Variants in ATP2B4 observed in about 807,000 individuals in gnomAD.
ATP2B4 encodes ATPase plasma membrane Ca2+ transporting 4, also known as plasma membrane calcium-transporting ATPase 4.
Under a neutral mutation model 110.3 loss-of-function variants are expected in ATP2B4, and 39 were observed. The ratio of observed to expected loss-of-function variants is 0.35; its 90% CI spans 0.27 to 0.46. The LOEUF (loss-of-function observed/expected upper bound fraction) is 0.46. Ranked by LOEUF, ATP2B4 falls within the 20% of genes least tolerant of loss-of-function variation. ATP2B4 has a pLI of 1.00. For missense variants in ATP2B4, 1,135 were observed against 1,530.9 expected, an observed-to-expected ratio of 0.74 and a Z score of 4.32; for synonymous variants, 538 against 571.7, an observed-to-expected ratio of 0.94 and a Z score of 0.84.
intron 1 of ATP2B4, among the ~76,000 whole-genome samples, chr1:203,651,802 A>G (rs922850544): frequency 9.9e-5 from 15 of 151,902 alleles, no homozygotes; most frequent in Non-Finnish European, 1.9e-4. Context: ...TCATGCCTGT[A>G]ATCCCAGCAC....
chr1:203,660,229 T>G (rs533121405), intron 1 of ATP2B4, among the ~76,000 whole-genome samples: 1 of 152,286 alleles, frequency 6.6e-6, no homozygotes, highest in East Asian at 1.9e-4. Flanking sequence ...TGCCAAAACA[T>G]CATGTAACAG....
chr1:203,642,323 A>G (rs1663658405), intron 1 of ATP2B4, among the ~76,000 whole-genome samples: 1 of 152,148 alleles, frequency 6.6e-6, no homozygotes, highest in African/African-American at 2.4e-5. Context: ...GGCTCAAGCA[A>G]TCCACCTGCC....
At chr1:203,661,237 G>T (rs1311884934) in intron 1 of ATP2B4, among the ~76,000 whole-genome samples, 6 of 152,160 alleles carry the variant, frequency 3.9e-5, no homozygotes, top group Non-Finnish European at 8.8e-5. Flanking sequence ...GAGAAAGAGA[G>T]CTCTCATGTC....
intron 1 of ATP2B4, among the ~76,000 whole-genome samples, chr1:203,643,900 C>A (rs965006958): frequency 6.6e-6 from 1 of 152,140 alleles, no homozygotes; most frequent in African/African-American, 2.4e-5. Context: ...TTTAGTCATT[C>A]CTATATACTC....
chr1:203,656,997 AT>A, intron 1 of ATP2B4: 1 of 734,676 alleles, frequency 1.4e-6, no homozygotes, highest in South Asian at 1.4e-5. Flanking sequence ...TTATGCAGCC[AT>A]CATTTTCAGG....
chr1:203,660,037 G>C (rs1300403187), intron 1 of ATP2B4, among the ~76,000 whole-genome samples: 2 of 150,152 alleles, frequency 1.3e-5, no homozygotes, highest in East Asian at 2.0e-4. Flanking sequence ...AGCCAAGATT[G>C]TGCCACTGCA....
At chr1:203,715,289 A>AT (rs1666129654) in intron 15 of ATP2B4, among the ~76,000 whole-genome samples, 3 of 139,460 alleles carry the variant, frequency 2.2e-5, no homozygotes, top group Non-Finnish European at 4.7e-5. Flanking sequence ...AACAAAAGAG[A>AT]TTCCCCCTCA....
At chr1:203,655,360 A>G (rs1162400801) in intron 1 of ATP2B4, among the ~76,000 whole-genome samples, 2 of 152,226 alleles carry the variant, frequency 1.3e-5, no homozygotes, top group Non-Finnish European at 2.9e-5. Context: ...TGTAAAAAAA[A>G]AGAGGCCAGG....
Position 203,710,907 on chromosome 1 carries a change from A to C in ATP2B4, c.1830A>C (p.Glu610Asp), listed in dbSNP as rs377158814. The stretch of plus-strand genomic sequence containing the variant: ...ATCGAATCCTGGACCGGAAAGGGGA[A>C]GCAGTGCCATTCAAGAATAAAGACA... ...KCNRILDRKG[E>D]AVPFKNKDRD... Residue 610 changes from glutamate (E) to aspartate (D), a missense_variant, in exon 12 of 21, where the codon GAA (glutamate) becomes GAC (aspartate). Glu to Asp is a conservative substitution (Grantham distance 45). This residue lies in a region of ATP2B4 where 368 missense variants were observed against 455.9 expected (regional missense o/e 0.81). Coordinates refer to ENST00000357681, the MANE Select transcript of ATP2B4 (RefSeq NM_001684.5). 15 of 1,613,906 alleles carry C rather than the reference A, an allele frequency of 9.3e-6. No homozygotes were observed. Among genetic ancestry groups the C allele is most frequent in the African/African-American group, 1.3e-5 (1 of 74,924 alleles).
chr1:203,699,089 C>T (rs1665616104), intron 3 of ATP2B4, among the ~76,000 whole-genome samples: 1 of 152,168 alleles, frequency 6.6e-6, no homozygotes, highest in African/African-American at 2.4e-5. Flanking sequence ...ATTCTCTACC[C>T]TTATCCAACC....
At chr1:203,641,148 A>G (rs1446588459) in intron 1 of ATP2B4, among the ~76,000 whole-genome samples, 1 of 152,200 alleles carries the variant, frequency 6.6e-6, no homozygotes, top group African/African-American at 2.4e-5. Context: ...TTCTTCACAG[A>G]TGGGCTCCTG....
At chr1:203,709,244 T>G in intron 10 of ATP2B4, 57 bp from the exon 11 acceptor site, 1 of 1,603,186 alleles carries the variant, frequency 6.2e-7, no homozygotes, top group East Asian at 2.2e-5. Context: ...TCTCCCTAAG[T>G]TCTCTGCCTT....
chr1:203,658,960 C>T (rs1256229012), intron 1 of ATP2B4, among the ~76,000 whole-genome samples: 2 of 151,438 alleles, frequency 1.3e-5, no homozygotes, highest in Non-Finnish European at 2.9e-5. Context: ...GCCGAGATCG[C>T]GCCACTGCAC....
intron 1 of ATP2B4, among the ~76,000 whole-genome samples, chr1:203,656,534 T>C (rs1411281927): frequency 6.6e-6 from 1 of 152,252 alleles, no homozygotes; most frequent in Admixed American, 6.5e-5. Flanking sequence ...TCTTCTCACA[T>C]ACTTTTAGTG....
At chr1:203,700,763 A>C in intron 5 of ATP2B4, 35 bp from the exon 6 acceptor site, 1 of 1,610,644 alleles carries the variant, frequency 6.2e-7, no homozygotes, top group African/African-American at 1.3e-5. Flanking sequence ...GTATTAAAAA[A>C]CCCATTCCTT....
chr1:203,695,805 G>A (rs1665516646), intron 2 of ATP2B4, among the ~76,000 whole-genome samples: 1 of 151,560 alleles, frequency 6.6e-6, no homozygotes, highest in Admixed American at 6.6e-5. Flanking sequence ...GGAAATGGAG[G>A]CCATCCCAAA....
At chr1:203,672,599 C>T (rs1031128775) in intron 1 of ATP2B4, among the ~76,000 whole-genome samples, 11 of 152,138 alleles carry the variant, frequency 7.2e-5, no homozygotes, top group African/African-American at 2.4e-4. Context: ...GTTATGGAGG[C>T]GGTGAGCCTG....
At chr1:203,633,682 C>T (rs555515925) in intron 1 of ATP2B4, among the ~76,000 whole-genome samples, 1 of 147,464 alleles carries the variant, frequency 6.8e-6, no homozygotes, top group East Asian at 2.0e-4. Flanking sequence ...CACTGCACTT[C>T]CAGTGGGAGA....
intron 1 of ATP2B4, among the ~76,000 whole-genome samples, chr1:203,646,295 T>C (rs1234703538): frequency 2.0e-5 from 3 of 152,072 alleles, no homozygotes; most frequent in African/African-American, 7.2e-5. Flanking sequence ...CAAGTGGTGG[T>C]TGTGGAATTC....
Sources: gnomAD v4.1 joint callset for allele counts (sites outside exome capture counted in the v4.1 genomes callset) on GRCh38, gnomAD v4.1.1 for gene constraint, gnomAD v4.1.1 regional missense constraint, MANE v1.5 for transcripts, NCBI Gene and HGNC (gene_info 2026-07-23, HGNC 2026-07-21) for gene names.